PIK3C2G: variants seen among roughly 807,000 people sequenced by gnomAD.
The protein encoded by PIK3C2G is phosphatidylinositol 3-kinase C2 domain-containing subunit gamma.
PIK3C2G carries 168 observed loss-of-function variants against 181.1 expected under a neutral mutation model. That is an observed-to-expected ratio of 0.93 (90% CI 0.82 to 1.05). The LOEUF is 1.05. Among genes scored for constraint, PIK3C2G ranks in the 50% least tolerant of loss-of-function variants. PIK3C2G has a pLI of 0.00. For synonymous variants in PIK3C2G, 573 were observed against 592.2 expected (o/e 0.97, Z 0.47); for missense variants, 1,869 against 1,732.8 (o/e 1.08, Z -1.40).
intron 18 of PIK3C2G, among the ~76,000 whole-genome samples, chr12:18,461,988 C>T (rs951923225): frequency 6.6e-6 from 1 of 152,186 alleles, no homozygotes; most frequent in African/African-American, 2.4e-5. Context: ...TCTTCTCTTC[C>T]CTCTGACCCA....
At chr12:18,500,642 C>G (rs910705438) in intron 22 of PIK3C2G, among the ~76,000 whole-genome samples, 2 of 152,156 alleles carry the variant, frequency 1.3e-5, no homozygotes, top group African/African-American at 2.4e-5. Context: ...TTACCTCTAC[C>G]TCAGGGATTG....
intron 30 of PIK3C2G, among the ~76,000 whole-genome samples, chr12:18,604,425 A>G (rs150114251): frequency 1.3e-5 from 2 of 152,186 alleles, no homozygotes; most frequent in Non-Finnish European, 2.9e-5. Flanking sequence ...AAAATGAGAT[A>G]GACAGCAACA....
chr12:18,620,920 G>C (rs1023171434), intron 31 of PIK3C2G, among the ~76,000 whole-genome samples: 1 of 152,032 alleles, frequency 6.6e-6, no homozygotes, highest in East Asian at 1.9e-4. Context: ...AAACTGTTTA[G>C]TGGTACAGGA....
chr12:18,406,511 G>C (rs1235545537), intron 16 of PIK3C2G, among the ~76,000 whole-genome samples: 1 of 152,092 alleles, frequency 6.6e-6, no homozygotes, highest in Non-Finnish European at 1.5e-5. Flanking sequence ...TGATGATAAA[G>C]GCAAAAAGAT....
chr12:18,377,463 GTTGCGT>G (rs1220306124), intron 13 of PIK3C2G, among the ~76,000 whole-genome samples: 3 of 152,168 alleles, frequency 2.0e-5, no homozygotes, highest in African/African-American at 7.2e-5. Flanking sequence ...ACATGGATGT[GTTGCGT>G]TACAAGAATT....
chr12:18,690,983 G>A, the PIK3C2G span, among the ~76,000 whole-genome samples: 6 of 152,062 alleles, frequency 3.9e-5, no homozygotes, highest in Non-Finnish European at 5.9e-5. Flanking sequence ...AAATCTCTCC[G>A]GTCAACTTGT....
the PIK3C2G span, chr12:18,683,483 A>G: frequency 6.8e-7 from 1 of 1,476,562 alleles, no homozygotes; most frequent in Non-Finnish European, 9.2e-7. Context: ...CACAAAAATT[A>G]AATATTTGCA....
intron 2 of PIK3C2G, among the ~76,000 whole-genome samples, chr12:18,286,155 A>G (rs1949435059): frequency 6.6e-6 from 1 of 152,024 alleles, no homozygotes; most frequent in Non-Finnish European, 1.5e-5. Context: ...ACCTAATAAC[A>G]GTTTTAAAAC....
intron 16 of PIK3C2G, among the ~76,000 whole-genome samples, chr12:18,416,392 A>T (rs1246381817): frequency 6.6e-6 from 1 of 152,240 alleles, no homozygotes; most frequent in Non-Finnish European, 1.5e-5. Flanking sequence ...GACTGTGGCT[A>T]CACTAAGCAA....
At chr12:18,721,716 A>C in the PIK3C2G span, among the ~76,000 whole-genome samples, 2 of 76,816 alleles carry the variant, frequency 2.6e-5, no homozygotes, top group African/African-American at 1.1e-4. Context: ...TCTTGCTATT[A>C]AAAAAAAAAA....
chr12:18,579,313 G>A (rs1946378419), intron 29 of PIK3C2G, among the ~76,000 whole-genome samples: 1 of 152,108 alleles, frequency 6.6e-6, no homozygotes, highest in African/African-American at 2.4e-5. Flanking sequence ...ACATGAAATC[G>A]TACAACCTTA....
At chr12:18,713,462 G>A in the PIK3C2G span, among the ~76,000 whole-genome samples, 1,081 of 152,144 alleles carry the variant, frequency 7.1e-3, 10 homozygotes, top group African/African-American at 0.025. Context: ...TGGGGAATGG[G>A]GTATATGGCA....
At chr12:18,718,763 C>T in the PIK3C2G span, among the ~76,000 whole-genome samples, 1 of 152,138 alleles carries the variant, frequency 6.6e-6, no homozygotes, top group African/African-American at 2.4e-5. Flanking sequence ...TCCTTGAAAA[C>T]ATTTTTTACC....
Position 18,294,001 on chromosome 12 carries a change from A to C in PIK3C2G, c.1020A>C (p.Glu340Asp). 1 of 1,539,382 alleles carries C rather than the reference A, an allele frequency of 6.5e-7. No individual in the cohort carries two copies. The highest frequency in any genetic ancestry group is 1.1e-5 in the South Asian group (1 of 87,574). ...KDHILSVCGS[E>D]EFLQNDHCLG... Reference sequence around the variant, plus strand: ...ATATTCTAAGTGTATGTGGCTCTGAAGAATTTTTACAAAAGTAAGTATTTT... The same window carrying C: ...ATATTCTAAGTGTATGTGGCTCTGACGAATTTTTACAAAAGTAAGTATTTT... Residue 340 changes from glutamate to aspartate, a missense_variant, in exon 5 of 33, where the codon GAA becomes GAC. Physicochemically the swap from Glu to Asp is conservative, Grantham distance 45 (BLOSUM62 2). Transcript: ENST00000538779.
At chr12:18,667,648 C>A in the PIK3C2G span, among the ~76,000 whole-genome samples, 8 of 151,936 alleles carry the variant, frequency 5.3e-5, no homozygotes, top group Non-Finnish European at 1.2e-4. Flanking sequence ...TATTGAAGAC[C>A]CAGTTTGTAC....
chr12:18,524,284 C>A (rs1359190201), intron 24 of PIK3C2G, among the ~76,000 whole-genome samples: 1 of 152,172 alleles, frequency 6.6e-6, no homozygotes, highest in African/African-American at 2.4e-5. Context: ...AGCGGTGACA[C>A]AATCAAAGAG....
chr12:18,413,153 G>A lies in PIK3C2G; in HGVS notation c.2316-7788G>A, dbSNP rs1430987538. ...TCATTGGACAATGGCCCATGTTCAA[G>A]TGTAGATAATTTCTTAATGGTTAAT... On this transcript the variant is annotated intron_variant, in intron 16 of 32. Coordinates refer to ENST00000538779, the MANE Select transcript of PIK3C2G (RefSeq NM_001288772.2). 3.3e-5 allele frequency among the ~76,000 whole-genome samples: 5 copies of A among 152,116 alleles called. No homozygotes were observed. In the East Asian group the frequency reaches 9.7e-4, roughly 29 times the overall value.
intron 22 of PIK3C2G, among the ~76,000 whole-genome samples, chr12:18,499,817 T>C (rs1405010183): frequency 1.3e-5 from 2 of 152,352 alleles, no homozygotes; most frequent in East Asian, 1.9e-4. Flanking sequence ...CTACTTAAAG[T>C]GTGAACCACA....
intron 32 of PIK3C2G, among the ~76,000 whole-genome samples, chr12:18,643,784 T>C (rs921076710): frequency 2.0e-5 from 3 of 151,962 alleles, no homozygotes; most frequent in Non-Finnish European, 4.4e-5. Context: ...ACAGGGCATC[T>C]ACCTTGTTTT....
Sources: gnomAD v4.1 joint callset for allele counts (sites outside exome capture counted in the v4.1 genomes callset) on GRCh38, gnomAD v4.1.1 for gene constraint, MANE v1.5 for transcripts, NCBI Gene and HGNC (gene_info 2026-07-23, HGNC 2026-07-21) for gene names.